Variants in GGN observed in about 807,000 individuals in gnomAD.
GGN encodes gametogenetin.
A neutral mutation model predicts 35.5 loss-of-function variants in GGN; 27 were observed. The observed-to-expected ratio is 0.76, with a 90% CI of 0.56 to 1.05. The LOEUF (loss-of-function observed/expected upper bound fraction) is 1.05. GGN is among the 50% of genes least tolerant of loss of function. The pLI, the probability that GGN is intolerant of heterozygous loss-of-function variation, is 0.00. For synonymous variants in GGN, 425 were observed against 444.1 expected (o/e 0.96, Z 0.54); for missense variants, 1,006 against 940.7 (o/e 1.07, Z -0.91).
Position 38,384,438 on chromosome 19 carries a change from C to G in GGN, c.1933G>C (p.Asp645His), listed in dbSNP as rs145717888. The change falls in exon 4 of 4, where the codon GAC becomes CAC. Residue 645 changes from aspartate to histidine, a missense_variant. Transcript: ENST00000334928. Reference protein sequence around the residue: ...GSLVAKLEHYDLQATHSN With the variant: ...GSLVAKLEHYHLQATHSN ...CAGTTGGAATGGGTGGCCTGCAAGTCGTAGTGCTCCAGCTTGGCCACCAGA... is the reference window on the plus strand; with the variant it reads ...CAGTTGGAATGGGTGGCCTGCAAGTGGTAGTGCTCCAGCTTGGCCACCAGA... 5.6e-6 allele frequency: 9 copies of G among 1,613,754 alleles called. No homozygotes were observed. The South Asian group carries it at 9.9e-5, about 18-fold the overall frequency.
At chr19:38,385,357 GC>G in intron 3 of GGN, 63 bp downstream of exon 3, 3 of 1,604,132 alleles carry the variant, frequency 1.9e-6, no homozygotes, top group Non-Finnish European at 2.6e-6. Flanking sequence ...AAGCCAAAGG[GC>G]TGAGTAGGAC....
In GGN at chr19:38,387,104, C is replaced by T. The variant is rs561808471; in HGVS notation, c.158G>A (p.Gly53Asp). 1.3e-5 allele frequency: 21 copies of T among 1,559,588 alleles called. No individual in the cohort carries two copies. In the Admixed American group the frequency reaches 2.5e-4, roughly 19 times the overall value. ...CATGAGTCCCGGGGGTGTGGCGCTG[C>T]CAGGGAACCAGACACCCAGCCCACG... ...LTRGLGVWFPGSATPPGLMVP... is the reference protein window; with the variant it reads ...LTRGLGVWFPDSATPPGLMVP... The change falls in exon 3 of 4, where the codon GGC (glycine) becomes GAC (aspartate). Residue 53 changes from glycine to aspartate, a missense_variant. By Grantham distance (94) the Gly-to-Asp change is moderately conservative. Transcript: ENST00000334928. The surrounding 1 kb of genome is among the most constrained non-coding windows in gnomAD (Gnocchi z 5.3).
upstream of GGN, chr19:38,388,356 C>A (rs527985958): frequency 4.5e-5 from 18 of 397,112 alleles, no homozygotes; most frequent in East Asian, 5.7e-4. Flanking sequence ...CCAACCCCAC[C>A]CACTTGTGAA....
At chr19:38,388,144 C>A, upstream of GGN, 1 of 180,036 alleles carries the variant, frequency 5.6e-6, no homozygotes, top group Non-Finnish European at 1.2e-5. Context: ...CGTCGCTCCT[C>A]CCCTTTGGAC....
In GGN at chr19:38,386,857, GTCGCCCTGGCCGCGATGGC is replaced by G. The variant is rs775752113; in HGVS notation, c.386_404del (p.Ser129ThrfsTer8). ...GCTTCAGCGGGCGGAGGCTCGGAGGGTCGCCCTGGCCGCGATGGCTCGCCTCCAGCAGGCGGCGGATCCG... is the reference window on the plus strand; with the variant it reads ...GCTTCAGCGGGCGGAGGCTCGGAGGGTCGCCTCCAGCAGGCGGCGGATCCG... On this transcript the variant is annotated frameshift_variant, in exon 3 of 4. Transcript: ENST00000334928. LOFTEE classifies it high-confidence loss of function. 4.4e-5 allele frequency: 70 copies of G among 1,597,734 alleles called. No individual in the cohort carries two copies. Among genetic ancestry groups the G allele is most frequent in the Non-Finnish European group, 5.7e-5 (67 of 1,172,120 alleles).
Position 38,386,587 on chromosome 19 carries a change from G to A in GGN, c.675C>T (p.Gly225=), listed in dbSNP as rs370450727. 6.2e-7 allele frequency: 1 copy of A among 1,613,230 alleles called. No individual in the cohort carries two copies. Among genetic ancestry groups the A allele is most frequent in the African/African-American group, 1.3e-5 (1 of 74,942 alleles). ...CCGCAGGCTGGGCCATTTCGCCTTC[G>A]CCCGCATGGGGAGGCGCCCCTCCGC... ...RARGGAPPHA[G]EGEMAQPADS... The change falls in exon 3 of 4, where the codon GGC becomes GGT. Residue 225 remains glycine (G), a synonymous_variant. Transcript: ENST00000334928.
chr19:38,386,900 CG>C lies in GGN; in HGVS notation c.361del (p.Arg121GlyfsTer22). 6.4e-7 allele frequency: 1 copy of C among 1,565,142 alleles called. No individual in the cohort carries two copies. ...WQKPAGTPVPRIRRLLEASHR... is the reference protein window; with the variant it reads ...WQKPAGTPVPXIRRLLEASHR... ...GCTCGCCTCCAGCAGGCGGCGGATC[CG>C]GGGAACTGGAGTGCCCGCGGGCTTT... On this transcript the variant is annotated frameshift_variant, in exon 3 of 4. Transcript: ENST00000334928. LOFTEE classifies it high-confidence loss of function.
rs1353343779 is a variant in GGN at position 38,386,968 on chromosome 19, CG to C, written c.293del (p.Pro98ArgfsTer45). 14 of 1,541,570 alleles carry C rather than the reference CG, an allele frequency of 9.1e-6. No individual in the cohort carries two copies. The highest frequency in any genetic ancestry group is 4.0e-5 in the Admixed American group (2 of 49,882). On this transcript the variant is annotated frameshift_variant, in exon 3 of 4. Coordinates refer to ENST00000334928, the MANE Select transcript of GGN (RefSeq NM_152657.4). LOFTEE classifies it high-confidence loss of function. ...EEAAAVSAPP[P>X]APAGTLLPGP... ...CGGGCAGCAGAGTCCCCGCGGGGGC[CG>C]GGGGTGGTGCAGAGACCGCGGCCGC...
Position 38,386,079 on chromosome 19 carries a change from C to G in GGN, c.1183G>C (p.Glu395Gln), listed in dbSNP as rs1227380246. Reference protein sequence around the residue: ...GPWGSPPPPPEQIHSAPGPRR... With the variant: ...GPWGSPPPPPQQIHSAPGPRR... ...GGCCCGGGAGCTGAGTGTATCTGCTCTGGTGGTGGCGGAGGGGAGCCCCAA... is the reference window on the plus strand; with the variant it reads ...GGCCCGGGAGCTGAGTGTATCTGCTGTGGTGGTGGCGGAGGGGAGCCCCAA... The change falls in exon 3 of 4, where the codon GAG becomes CAG. Residue 395 changes from glutamate to glutamine, a missense_variant. Physicochemically the swap from Glu to Gln is conservative, Grantham distance 29. Coordinates refer to ENST00000334928, the MANE Select transcript of GGN (RefSeq NM_152657.4). The G allele has an allele frequency of 1.9e-6, 3 of 1,587,330 alleles. No individual in the cohort carries two copies. The highest frequency in any genetic ancestry group is 1.7e-6 in the Non-Finnish European group (2 of 1,168,726).
chr19:38,386,242 G>A lies in GGN; in HGVS notation c.1020C>T (p.Pro340=), dbSNP rs1460060918. The A allele has an allele frequency of 6.2e-6, 10 of 1,609,568 alleles. No homozygotes were observed. Among genetic ancestry groups the A allele is most frequent in the Non-Finnish European group, 8.5e-6 (10 of 1,179,126 alleles). ...ASQARALPPP[P]YTTFPGSKPK... ...GCTTCGAGCCTGGGAAGGTGGTGTA[G>A]GGTGGCGGCGGTAGGGCCCGGGCTT... The change falls in exon 3 of 4, where the codon CCC becomes CCT. Residue 340 remains proline (P), a synonymous_variant. Coordinates refer to ENST00000334928, the MANE Select transcript of GGN (RefSeq NM_152657.4).
chr19:38,386,892 G>T lies in GGN; in HGVS notation c.370C>A (p.Arg124Ser), dbSNP rs1970739274. ...PAGTPVPRIR[R>S]LLEASHRGQG... ...CCGCGATGGCTCGCCTCCAGCAGGC[G>T]GCGGATCCGGGGAACTGGAGTGCCC... is the stretch of plus-strand genomic sequence containing the variant. The change falls in exon 3 of 4, where the codon CGC becomes AGC. Residue 124 changes from arginine (R) to serine (S), a missense_variant. Arg to Ser is a moderately radical substitution (Grantham distance 110, BLOSUM62 -1). Transcript: ENST00000334928. The T allele has an allele frequency of 6.4e-7, 1 of 1,568,986 alleles. No homozygotes were observed. The highest frequency in any genetic ancestry group is 1.9e-5 in the Admixed American group (1 of 53,208).
chr19:38,385,287 G>C, intron 3 of GGN, 134 bp downstream of exon 3: 1 of 1,216,000 alleles, frequency 8.2e-7, no homozygotes. Flanking sequence ...TGAAGGGTGG[G>C]AGCTCAGCTA....
upstream of GGN, chr19:38,388,182 T>G: frequency 1.1e-5 from 2 of 188,896 alleles, no homozygotes; most frequent in Non-Finnish European, 2.1e-5. Flanking sequence ...CCTAAGGCAA[T>G]TTACCTCTAA....
At chr19:38,388,297 C>G, upstream of GGN, 2 of 384,000 alleles carry the variant, frequency 5.2e-6, no homozygotes, top group Non-Finnish European at 9.2e-6. Flanking sequence ...TCGTGACGCA[C>G]GCACTAGTCC....
In GGN at chr19:38,387,614, C is replaced by T. The variant is rs1329860476; in HGVS notation, c.-20+147G>A. The T allele has an allele frequency of 7.3e-6, 2 of 274,554 alleles. No homozygotes were observed. Among genetic ancestry groups the T allele is most frequent in the Non-Finnish European group, 1.4e-5 (2 of 144,224 alleles). 17.0% of individuals were successfully genotyped at this position (274,554 alleles called of 1,614,324 possible). A position where few individuals can be genotyped will look rare whatever the true frequency, so the allele number is the denominator to read the frequency against. On this transcript the variant is annotated intron_variant, in intron 2 of 3. Transcript: ENST00000334928. This position sits in a 1 kb window ranked among gnomAD's most constrained non-coding sequence, Gnocchi z 5.3. ...CTCTCTCTAGAGCACCTGGGTCCCGCCCTCTTCCCAGGCAGGGGCAGATCC... is the reference window on the plus strand; with the variant it reads ...CTCTCTCTAGAGCACCTGGGTCCCGTCCTCTTCCCAGGCAGGGGCAGATCC...
chr19:38,385,737 G>A lies in GGN; in HGVS notation c.1525C>T (p.Pro509Ser), dbSNP rs1970701004. The A allele has an allele frequency of 3.1e-6, 5 of 1,587,968 alleles. No individual in the cohort carries two copies. The highest frequency in any genetic ancestry group is 1.4e-5 in the African/African-American group (1 of 71,114). Residue 509 changes from proline to serine, a missense_variant, in exon 3 of 4, where the codon CCG (proline) becomes TCG (serine). By Grantham distance (74) the Pro-to-Ser change is moderately conservative (BLOSUM62 -1). Coordinates refer to ENST00000334928, the MANE Select transcript of GGN (RefSeq NM_152657.4). ...GCGGGTGCGGGCGCGGACACAGGCG[G>A]CGAGGGCTCAGCCACGGTGGGAGCT... ...APAPTVAEPS[P>S]PVSAPAPAAA...
chr19:38,385,475 CACTT>C lies in GGN; in HGVS notation c.1783_1786del (p.Lys595ValfsTer20). 6.2e-7 allele frequency: 1 copy of C among 1,614,072 alleles called. No homozygotes were observed. The highest frequency in any genetic ancestry group is 8.5e-7 in the Non-Finnish European group (1 of 1,179,982). ...ATGGCGTGGCTGGTGGTGGCAGTAA[CACTT>C]GCAGGGACAGGAGTTAAGCACCTGG... On this transcript the variant is annotated frameshift_variant, in exon 3 of 4. Transcript: ENST00000334928. LOFTEE classifies it high-confidence loss of function.
chr19:38,386,988 C>T lies in GGN; in HGVS notation c.274G>A (p.Ala92Thr), dbSNP rs909672285. The change falls in exon 3 of 4, where the codon GCG becomes ACG. Residue 92 changes from alanine to threonine, a missense_variant. Ala to Thr is a moderately conservative substitution (Grantham distance 58, BLOSUM62 0). Transcript: ENST00000334928. ...GGGGCCGGGGGTGGTGCAGAGACCGCGGCCGCCTCTTCAGGAGGGGGCATC... is the reference window on the plus strand; with the variant it reads ...GGGGCCGGGGGTGGTGCAGAGACCGTGGCCGCCTCTTCAGGAGGGGGCATC... Reference protein sequence around the residue: ...PVMPPPEEAAAVSAPPPAPAG... With the variant: ...PVMPPPEEAATVSAPPPAPAG... The T allele has an allele frequency of 7.8e-6, 12 of 1,535,380 alleles. No homozygotes were observed. The Admixed American group carries it at 8.2e-5, about 11-fold the overall frequency.
Position 38,386,433 on chromosome 19 carries a change from A to G in GGN, c.829T>C (p.Phe277Leu), listed in dbSNP as rs775402389. ...TAAGAGATGGCACCTGAGGCAGCAA[A>G]GAGGCCGCCGCCTCCGCCGCCCCCC... Reference protein sequence around the residue: ...SLGGGGGGGLFAASGAISYAE... With the variant: ...SLGGGGGGGLLAASGAISYAE... The change falls in exon 3 of 4, where the codon TTT becomes CTT. Residue 277 changes from phenylalanine to leucine, a missense_variant. Phe to Leu is a conservative substitution (Grantham distance 22). Coordinates refer to ENST00000334928, the MANE Select transcript of GGN (RefSeq NM_152657.4). 6.8e-6 allele frequency: 11 copies of G among 1,612,508 alleles called. No homozygotes were observed. The Middle Eastern group carries it at 6.6e-4, about 96-fold the overall frequency.
Sources: gnomAD v4.1 joint callset for allele counts on GRCh38, gnomAD v4.1.1 for gene constraint, Gnocchi (gnomAD v3.1) non-coding constraint, MANE v1.5 for transcripts, NCBI Gene and HGNC (gene_info 2026-07-23, HGNC 2026-07-21) for gene names.